Variants in CCDC149 observed in about 807,000 individuals in gnomAD.
CCDC149 encodes the protein coiled-coil domain-containing protein 149.
In CCDC149, 45 loss-of-function variants were observed where a neutral mutation model predicts 59.9. That is an observed-to-expected ratio of 0.75 (90% CI 0.59 to 0.96). The LOEUF (loss-of-function observed/expected upper bound fraction) is 0.96, where lower values mean the gene tolerates loss of function less well. Among genes scored for constraint, CCDC149 ranks in the 40% least tolerant of loss-of-function variants. The probability of loss-of-function intolerance (pLI) is 0.00; values close to 1 mark genes in which losing one functional copy is unlikely to be tolerated. For missense variants in CCDC149, 584 were observed against 664.7 expected (o/e 0.88, Z 1.33); for synonymous variants, 245 against 260.6 (o/e 0.94, Z 0.58).
intron 1 of CCDC149, among the ~76,000 whole-genome samples, chr4:24,930,955 G>A (rs939640767): frequency 6.6e-6 from 1 of 152,058 alleles, no homozygotes; most frequent in African/African-American, 2.4e-5. Context: ...CTCTTCAAAG[G>A]ATTCTCACTG....
chr4:24,866,907 A>T (rs1313999063), intron 3 of CCDC149, among the ~76,000 whole-genome samples: 1 of 151,970 alleles, frequency 6.6e-6, no homozygotes, highest in Non-Finnish European at 1.5e-5. Context: ...TTCCTAGCTC[A>T]ATTTCTGGTT....
chr4:24,931,829 G>GTATATATATATATATACATATA (rs1553862491), intron 1 of CCDC149, among the ~76,000 whole-genome samples: 1 of 76,908 alleles, frequency 1.3e-5, no homozygotes, highest in Non-Finnish European at 2.4e-5. Flanking sequence ...TGGAGAGTAT[G>GTATATATATATATATACATATA]TATATATATA....
At chr4:24,904,149 G>T (rs1721338710) in intron 1 of CCDC149, among the ~76,000 whole-genome samples, 1 of 152,144 alleles carries the variant, frequency 6.6e-6, no homozygotes, top group South Asian at 2.1e-4. Context: ...TGTGGTGATG[G>T]TTACACCAGT....
intron 12 of CCDC149, among the ~76,000 whole-genome samples, chr4:24,812,323 G>C (rs1389325551): frequency 6.6e-6 from 1 of 152,150 alleles, no homozygotes; most frequent in Non-Finnish European, 1.5e-5. Context: ...ACTTCCCCCA[G>C]TGATCTGCCA....
chr4:24,957,380 G>A (rs1577505915), intron 1 of CCDC149, among the ~76,000 whole-genome samples: 1 of 152,174 alleles, frequency 6.6e-6, no homozygotes, highest in African/African-American at 2.4e-5. Flanking sequence ...CTTTATGAGA[G>A]GTTCTCTACA....
At chr4:24,950,528 G>A (rs781780835) in intron 1 of CCDC149, among the ~76,000 whole-genome samples, 1 of 152,184 alleles carries the variant, frequency 6.6e-6, no homozygotes, top group Non-Finnish European at 1.5e-5. Flanking sequence ...ACATTGGAAG[G>A]GGAGTGGAGA....
intron 1 of CCDC149, among the ~76,000 whole-genome samples, chr4:24,898,003 C>T (rs904927163): frequency 1.3e-5 from 2 of 152,202 alleles, no homozygotes; most frequent in Non-Finnish European, 2.9e-5. Context: ...AGAGTCCCAT[C>T]CCTGCCACCT....
chr4:24,912,713 G>A, intron 1 of CCDC149, 104 bp downstream of exon 1: 2 of 781,978 alleles, frequency 2.6e-6, no homozygotes, highest in Non-Finnish European at 1.6e-6. Flanking sequence ...TGGAGTGCGC[G>A]CCCCCCTCTC....
intron 4 of CCDC149, among the ~76,000 whole-genome samples, chr4:24,848,567 C>CAAATAAATAAATAAAT (rs565762293): frequency 2.1e-4 from 32 of 150,410 alleles, no homozygotes; most frequent in African/African-American, 7.4e-4. Flanking sequence ...GACTCCATCT[C>CAAATAAATAAATAAAT]AAATAAATAA....
chr4:24,839,509 A>C (rs998360553), intron 4 of CCDC149, among the ~76,000 whole-genome samples: 1 of 152,152 alleles, frequency 6.6e-6, no homozygotes, highest in Non-Finnish European at 1.5e-5. Flanking sequence ...ATCTTCATTC[A>C]CTGCATGAAT....
chr4:24,930,003 G>A (rs1266349450), intron 1 of CCDC149, among the ~76,000 whole-genome samples: 1 of 152,152 alleles, frequency 6.6e-6, no homozygotes, highest in Non-Finnish European at 1.5e-5. Context: ...AGAATGTGTT[G>A]ACAAGAAAAG....
At chr4:24,849,200 T>C (rs1717502609) in intron 4 of CCDC149, among the ~76,000 whole-genome samples, 1 of 152,190 alleles carries the variant, frequency 6.6e-6, no homozygotes, top group Non-Finnish European at 1.5e-5. Flanking sequence ...GCCCCAGCAC[T>C]GCCTGAGTCT....
intron 10 of CCDC149, among the ~76,000 whole-genome samples, 151 bp from the exon 11 acceptor site, chr4:24,821,238 CAG>C (rs1394442582): frequency 6.6e-6 from 1 of 151,292 alleles, no homozygotes; most frequent in African/African-American, 2.4e-5. Context: ...AGAAATGAAA[CAG>C]GGAGAAATTT....
chr4:24,958,952 G>A (rs1723554417), intron 1 of CCDC149, among the ~76,000 whole-genome samples: 1 of 150,814 alleles, frequency 6.6e-6, no homozygotes, highest in Non-Finnish European at 1.5e-5. Context: ...AGAATCACTT[G>A]AATCCGGCAT....
chr4:24,876,169 T>C (rs1017210118), intron 2 of CCDC149, among the ~76,000 whole-genome samples: 68 of 152,118 alleles, frequency 4.5e-4, no homozygotes, highest in Non-Finnish European at 4.3e-4. Flanking sequence ...TCCTACTATC[T>C]GTGGTTTCAG....
chr4:24,915,693 G>A (rs1722102934), upstream of CCDC149, among the ~76,000 whole-genome samples: 1 of 152,208 alleles, frequency 6.6e-6, no homozygotes, highest in Non-Finnish European at 1.5e-5. Flanking sequence ...GGTTGAAACA[G>A]CATCTCTAGC....
At chr4:24,854,504 G>C (rs1057222399) in intron 3 of CCDC149, among the ~76,000 whole-genome samples, 3 of 152,156 alleles carry the variant, frequency 2.0e-5, no homozygotes, top group African/African-American at 7.2e-5. Context: ...AGTCAAACGA[G>C]GGATATTAGA....
Position 24,912,901 on chromosome 4 carries a change from C to G in CCDC149, c.-22G>C. 1 of 1,306,000 alleles carries G rather than the reference C, an allele frequency of 7.7e-7. No homozygotes were observed. The highest frequency in any genetic ancestry group is 9.9e-7 in the Non-Finnish European group (1 of 1,005,950). The allele number at this position is 1,306,000 out of a possible 1,614,324, so 80.9% of individuals were successfully genotyped here. On this transcript the variant is annotated 5_prime_UTR_variant, in exon 1 of 13. Transcript: ENST00000635206. The stretch of plus-strand genomic sequence containing the variant: ...CCATGCGCTGGCCGGCCTCCTGGAC[C>G]CCCGCCGCCTCCTCCTCCTCGCGAC...
At chr4:24,930,061 C>T in intron 1 of CCDC149, among the ~76,000 whole-genome samples, 1 of 152,208 alleles carries the variant, frequency 6.6e-6, no homozygotes, top group East Asian at 1.9e-4. Context: ...TACACCTTTC[C>T]TCTTTTTCCT....
Sources: gnomAD v4.1 joint callset for allele counts (sites outside exome capture counted in the v4.1 genomes callset) on GRCh38, gnomAD v4.1.1 for gene constraint, MANE v1.5 for transcripts, NCBI Gene and HGNC (gene_info 2026-07-23, HGNC 2026-07-21) for gene names.